STXBP5: variants seen among roughly 807,000 people sequenced by gnomAD.
STXBP5 encodes syntaxin-binding protein 5.
Under a neutral mutation model 152.4 loss-of-function variants are expected in STXBP5, and 50 were observed. The ratio of observed to expected loss-of-function variants is 0.33; its 90% CI spans 0.26 to 0.42. The LOEUF is 0.42. Ranked by LOEUF, STXBP5 falls within the 10% of genes least tolerant of loss-of-function variation. The probability of loss-of-function intolerance (pLI) is 1.00; values close to 1 mark genes in which losing one functional copy is unlikely to be tolerated. For synonymous variants in STXBP5, 492 were observed against 494.7 expected (o/e 0.99, Z 0.07); for missense variants, 1,167 against 1,388.6 (o/e 0.84, Z 2.54).
At chr6:147,242,021 G>A (rs1014978179) in intron 4 of STXBP5, among the ~76,000 whole-genome samples, 1 of 151,942 alleles carries the variant, frequency 6.6e-6, no homozygotes, top group African/African-American at 2.4e-5. Context: ...ATTCCAGAAG[G>A]CATTGTTATC....
chr6:147,358,991 A>G, intron 22 of STXBP5, 93 bp from the exon 23 acceptor site: 2 of 1,416,668 alleles, frequency 1.4e-6, no homozygotes, highest in Non-Finnish European at 1.9e-6. Flanking sequence ...GTCTTCTTGC[A>G]GATTAACTAT....
intron 4 of STXBP5, among the ~76,000 whole-genome samples, chr6:147,242,293 T>A (rs190192814): frequency 4.4e-4 from 67 of 152,124 alleles, no homozygotes; most frequent in Non-Finnish European, 7.5e-4. Flanking sequence ...AAGTGAAGGG[T>A]TATTATAAAA....
intron 2 of STXBP5, 131 bp from the exon 3 acceptor site, chr6:147,235,119 T>C (rs1778205233): frequency 1.4e-6 from 1 of 697,032 alleles, no homozygotes. Context: ...AACCTAACTC[T>C]AAATCTCAAC....
chr6:147,244,634 T>C (rs1778714316), intron 4 of STXBP5, among the ~76,000 whole-genome samples: 1 of 152,208 alleles, frequency 6.6e-6, no homozygotes, highest in South Asian at 2.1e-4. Flanking sequence ...CTAGCGTCAA[T>C]AGCATTTAGA....
intron 7 of STXBP5, 40 bp from the exon 8 acceptor site, chr6:147,278,041 T>C (rs751403039): frequency 6.4e-7 from 1 of 1,561,164 alleles, no homozygotes; most frequent in East Asian, 2.3e-5. Context: ...GTTTACTGTT[T>C]AAATAGATTT....
At chr6:147,331,287 A>G (rs1398353303) in intron 18 of STXBP5, among the ~76,000 whole-genome samples, 1 of 152,250 alleles carries the variant, frequency 6.6e-6, no homozygotes, top group Non-Finnish European at 1.5e-5. Flanking sequence ...TTATAGGTAG[A>G]AACAGTAAAT....
intron 9 of STXBP5, among the ~76,000 whole-genome samples, chr6:147,296,719 G>T (rs938579057): frequency 4.6e-5 from 7 of 152,044 alleles, no homozygotes; most frequent in Non-Finnish European, 1.0e-4. Flanking sequence ...AGAGAATACA[G>T]TTAAACAATT....
chr6:147,276,149 G>A (rs1222516471), intron 7 of STXBP5, among the ~76,000 whole-genome samples: 1 of 152,212 alleles, frequency 6.6e-6, no homozygotes, highest in South Asian at 2.1e-4. Flanking sequence ...TTTTATGCAT[G>A]GTAGATACTG....
chr6:147,342,742 T>C (rs1439103364), intron 21 of STXBP5, among the ~76,000 whole-genome samples: 1 of 152,152 alleles, frequency 6.6e-6, no homozygotes, highest in Admixed American at 6.6e-5. Context: ...TTTTAATTTA[T>C]ATAAAATAGT....
chr6:147,323,888 A>C (rs149093430), intron 16 of STXBP5, among the ~76,000 whole-genome samples: 1 of 152,124 alleles, frequency 6.6e-6, no homozygotes, highest in African/African-American at 2.4e-5. Context: ...TTCTACCAAC[A>C]TCAAACCTTT....
chr6:147,243,836 G>A (rs945983465), intron 4 of STXBP5, among the ~76,000 whole-genome samples: 1 of 151,502 alleles, frequency 6.6e-6, no homozygotes, highest in Non-Finnish European at 1.5e-5. Context: ...AGTTGTTCCA[G>A]AACCATTTGT....
intron 10 of STXBP5, among the ~76,000 whole-genome samples, chr6:147,310,507 G>A (rs558615337): frequency 6.0e-4 from 90 of 148,924 alleles, no homozygotes; most frequent in Non-Finnish European, 1.1e-3. Flanking sequence ...CTCCATAGAC[G>A]CACACACTCA....
intron 4 of STXBP5, among the ~76,000 whole-genome samples, chr6:147,249,785 C>T (rs1778996431): frequency 6.6e-6 from 1 of 151,976 alleles, no homozygotes; most frequent in Non-Finnish European, 1.5e-5. Flanking sequence ...TACTAAAAAC[C>T]CGTTAAAGAT....
intron 18 of STXBP5, among the ~76,000 whole-genome samples, chr6:147,329,919 G>A (rs1414287410): frequency 3.3e-5 from 5 of 152,052 alleles, no homozygotes; most frequent in East Asian, 3.9e-4. Context: ...GAGCCACCGC[G>A]CCCGGCCTCT....
intron 7 of STXBP5, among the ~76,000 whole-genome samples, chr6:147,274,462 T>A (rs1780342123): frequency 6.6e-6 from 1 of 152,186 alleles, no homozygotes; most frequent in Non-Finnish European, 1.5e-5. Flanking sequence ...TTACAAAATG[T>A]ATTTTTAAAT....
intron 8 of STXBP5, among the ~76,000 whole-genome samples, chr6:147,280,971 TG>T (rs1381987558): frequency 6.6e-6 from 1 of 152,180 alleles, no homozygotes; most frequent in Non-Finnish European, 1.5e-5. Context: ...ATAAGCTATA[TG>T]TAGAAAATCT....
chr6:147,331,969 C>T (rs767625707), intron 18 of STXBP5, among the ~76,000 whole-genome samples: 1 of 152,188 alleles, frequency 6.6e-6, no homozygotes, highest in Non-Finnish European at 1.5e-5. Context: ...ACTTCATTTG[C>T]TGCTGTTAGG....
chr6:147,291,207 T>C, intron 9 of STXBP5, 35 bp downstream of exon 9: 1 of 1,547,742 alleles, frequency 6.5e-7, no homozygotes, highest in Non-Finnish European at 8.9e-7. Context: ...GTTCATTGTA[T>C]ATAAGTCCTC....
chr6:147,306,852 G>C (rs1582919587), intron 9 of STXBP5, among the ~76,000 whole-genome samples: 1 of 152,228 alleles, frequency 6.6e-6, no homozygotes, highest in African/African-American at 2.4e-5. Context: ...CGCTCCTGTG[G>C]CCCTGCCCTC....
Sources: allele counts gnomAD v4.1 joint callset (sites outside exome capture counted in the v4.1 genomes callset), GRCh38; gene constraint gnomAD v4.1.1; transcripts MANE v1.5; gene names NCBI Gene and HGNC (gene_info 2026-07-23, HGNC 2026-07-21).